UBE2E2: variants seen among roughly 807,000 people sequenced by gnomAD.
UBE2E2 encodes ubiquitin-conjugating enzyme E2 E2.
A neutral mutation model predicts 24.7 loss-of-function variants in UBE2E2; 6 were observed. That is an observed-to-expected ratio of 0.24 (90% CI 0.13 to 0.48). The LOEUF is 0.48. UBE2E2 is among the 20% of genes least tolerant of loss of function. UBE2E2 has a pLI of 0.99. For missense variants in UBE2E2, 169 were observed against 245.0 expected (o/e 0.69, Z 2.07); for synonymous variants, 104 against 83.6 (o/e 1.24, Z -1.33).
chr3:23,261,928 A>G (rs1697912213), intron 3 of UBE2E2, among the ~76,000 whole-genome samples: 1 of 152,230 alleles, frequency 6.6e-6, no homozygotes, highest in Non-Finnish European at 1.5e-5. Context: ...ATAATGCTGC[A>G]GTTAACATGG....
intron 3 of UBE2E2, among the ~76,000 whole-genome samples, chr3:23,284,520 A>T (rs1171061257): frequency 9.6e-6 from 1 of 104,600 alleles, no homozygotes; most frequent in East Asian, 2.8e-4. Context: ...TATTATTATG[A>T]TTATTATTTT....
chr3:23,526,792 CAGAAT>C (rs1336382652), intron 4 of UBE2E2, among the ~76,000 whole-genome samples: 5 of 152,282 alleles, frequency 3.3e-5, no homozygotes, highest in Admixed American at 2.0e-4. Flanking sequence ...GAACACCTGT[CAGAAT>C]AGAAGTTGAC....
chr3:23,396,211 C>G (rs868708425), intron 3 of UBE2E2, among the ~76,000 whole-genome samples: 7 of 149,988 alleles, frequency 4.7e-5, no homozygotes, highest in Non-Finnish European at 3.0e-5. Context: ...GTAAACATTT[C>G]CAGAAGATAG....
chr3:23,256,498 A>G (rs1214613094), intron 3 of UBE2E2, among the ~76,000 whole-genome samples: 2 of 152,204 alleles, frequency 1.3e-5, no homozygotes. Flanking sequence ...TTCAAACTAT[A>G]TTCTTTGAGC....
chr3:23,358,571 GAAA>G (rs1376671668), intron 3 of UBE2E2, among the ~76,000 whole-genome samples: 1 of 151,886 alleles, frequency 6.6e-6, no homozygotes, highest in South Asian at 2.1e-4. Context: ...TTTTAGGATT[GAAA>G]AAAACAATCT....
At chr3:23,331,509 A>AG (rs151075787) in intron 3 of UBE2E2, among the ~76,000 whole-genome samples, 17 of 144,010 alleles carry the variant, frequency 1.2e-4, no homozygotes, top group Non-Finnish European at 1.7e-4. Flanking sequence ...GGGGGCAGGG[A>AG]GGGGGGTAAG....
intron 3 of UBE2E2, among the ~76,000 whole-genome samples, chr3:23,316,739 C>T (rs975952566): frequency 1.3e-5 from 2 of 152,040 alleles, no homozygotes; most frequent in East Asian, 1.9e-4. Context: ...CTCAGAGTCT[C>T]GCTCAAGGCC....
intron 3 of UBE2E2, among the ~76,000 whole-genome samples, chr3:23,485,570 T>C (rs1196753491): frequency 6.6e-6 from 1 of 152,194 alleles, no homozygotes; most frequent in Non-Finnish European, 1.5e-5. Context: ...CTCTTGTTTT[T>C]GTTGAAGTAG....
At chr3:23,220,458 G>A (rs532722282) in intron 3 of UBE2E2, among the ~76,000 whole-genome samples, 8 of 152,178 alleles carry the variant, frequency 5.3e-5, no homozygotes, top group Admixed American at 2.0e-4. Flanking sequence ...TCATAAAATC[G>A]TAGCGTCTGT....
intron 3 of UBE2E2, among the ~76,000 whole-genome samples, chr3:23,296,568 T>C (rs1410463179): frequency 6.6e-6 from 1 of 152,190 alleles, no homozygotes; most frequent in African/African-American, 2.4e-5. Context: ...GTTTGGTTTT[T>C]TGTCCTTGCG....
intron 3 of UBE2E2, among the ~76,000 whole-genome samples, chr3:23,230,872 G>C (rs1696957795): frequency 6.6e-6 from 1 of 151,930 alleles, no homozygotes; most frequent in Admixed American, 6.6e-5. Context: ...ACTGTTTTCA[G>C]AGCCTTAACA....
At chr3:23,236,799 C>G (rs530205272) in intron 3 of UBE2E2, among the ~76,000 whole-genome samples, 9 of 152,266 alleles carry the variant, frequency 5.9e-5, no homozygotes, top group Admixed American at 3.9e-4. Context: ...CCGCCTGTCT[C>G]TCTATCTCTT....
At chr3:23,363,533 T>C (rs558639377) in intron 3 of UBE2E2, among the ~76,000 whole-genome samples, 2 of 152,286 alleles carry the variant, frequency 1.3e-5, no homozygotes, top group Non-Finnish European at 2.9e-5. Context: ...AAACCACCAA[T>C]GATCAGAAAA....
At chr3:23,523,938 A>G (rs1166397988) in intron 4 of UBE2E2, among the ~76,000 whole-genome samples, 1 of 149,390 alleles carries the variant, frequency 6.7e-6, no homozygotes, top group East Asian at 2.0e-4. Context: ...TTACTGATTC[A>G]TGGCATGGGG....
At chr3:23,389,165 G>GT (rs1696879752) in intron 3 of UBE2E2, among the ~76,000 whole-genome samples, 5 of 152,120 alleles carry the variant, frequency 3.3e-5, no homozygotes, top group Admixed American at 2.0e-4. Flanking sequence ...AATAATCTAT[G>GT]TTTTTTTGTC....
At chr3:23,291,079 A>AAC (rs1559335243) in intron 3 of UBE2E2, among the ~76,000 whole-genome samples, 1 of 146,934 alleles carries the variant, frequency 6.8e-6, no homozygotes, top group Non-Finnish European at 1.5e-5. Context: ...TAAAAAAAAA[A>AAC]AACAAAAAAC....
At chr3:23,444,478 C>G (rs1447170087) in intron 3 of UBE2E2, among the ~76,000 whole-genome samples, 2 of 152,188 alleles carry the variant, frequency 1.3e-5, no homozygotes, top group African/African-American at 4.8e-5. Flanking sequence ...AAGTCAGAAC[C>G]TCTACCTTAG....
intron 3 of UBE2E2, among the ~76,000 whole-genome samples, chr3:23,217,582 C>T (rs1184509349): frequency 6.6e-6 from 1 of 151,340 alleles, no homozygotes. Context: ...GTAACAAATA[C>T]ACTATGACAT....
At chr3:23,560,961 G>T (rs1259672221) in intron 5 of UBE2E2, among the ~76,000 whole-genome samples, 1 of 152,150 alleles carries the variant, frequency 6.6e-6, no homozygotes, top group Admixed American at 6.5e-5. Flanking sequence ...GTAGATTCTG[G>T]ATATTAGACC....
Sources: allele counts gnomAD v4.1 joint callset (sites outside exome capture counted in the v4.1 genomes callset), GRCh38; gene constraint gnomAD v4.1.1; transcripts MANE v1.5; gene names NCBI Gene and HGNC (gene_info 2026-07-23, HGNC 2026-07-21).